The following TIAM1 variants were observed in gnomAD, a reference collection of about 807,000 sequenced individuals.
TIAM1 encodes the protein rho guanine nucleotide exchange factor TIAM1.
TIAM1 carries 65 observed loss-of-function variants against 163.5 expected under a neutral mutation model. The observed-to-expected ratio is 0.40, with a 90% CI of 0.33 to 0.49. TIAM1 has a LOEUF of 0.49. Among genes scored for constraint, TIAM1 ranks in the 20% least tolerant of loss-of-function variants. The probability of loss-of-function intolerance (pLI) is 0.77; values close to 1 mark genes in which losing one functional copy is unlikely to be tolerated. For synonymous variants in TIAM1, 833 were observed against 810.1 expected (o/e 1.03, Z -0.48); for missense variants, 1,789 against 2,044.7 (o/e 0.87, Z 2.41).
At chr21:31,318,198 A>G (rs2075193479) in intron 2 of TIAM1, among the ~76,000 whole-genome samples, 1 of 152,192 alleles carries the variant, frequency 6.6e-6, no homozygotes, top group Non-Finnish European at 1.5e-5. Flanking sequence ...CCCAGGCTCA[A>G]GTGATTCTCC....
chr21:31,179,056 G>T (rs1738898727), intron 15 of TIAM1, among the ~76,000 whole-genome samples: 1 of 151,560 alleles, frequency 6.6e-6, no homozygotes, highest in South Asian at 2.1e-4. Flanking sequence ...CAGCCTGAAG[G>T]ATTTTTGATG....
chr21:31,405,862 G>A (rs1283815506), intron 2 of TIAM1, among the ~76,000 whole-genome samples: 2 of 152,016 alleles, frequency 1.3e-5, no homozygotes, highest in African/African-American at 2.4e-5. Context: ...AACACAGATG[G>A]GAGACATTTA....
intron 3 of TIAM1, among the ~76,000 whole-genome samples, chr21:31,274,647 TGGCCA>T (rs1247751341): frequency 6.6e-6 from 1 of 152,214 alleles, no homozygotes; most frequent in Non-Finnish European, 1.5e-5. Context: ...GTGGGTCAGC[TGGCCA>T]GGGCTTGCCC....
At chr21:31,273,199 G>A (rs547308643) in intron 3 of TIAM1, among the ~76,000 whole-genome samples, 3 of 152,138 alleles carry the variant, frequency 2.0e-5, no homozygotes, top group Non-Finnish European at 2.9e-5. Context: ...GGGTGAGTAC[G>A]GCTCCAGTGA....
chr21:31,321,435 C>T lies in TIAM1; in HGVS notation c.-189+17808G>A, dbSNP rs201838769. Among the ~76,000 whole-genome samples the T allele has an allele frequency of 1.3e-4, 20 of 152,256 alleles. No individual in the cohort carries two copies. The East Asian group carries it at 3.9e-3, about 30-fold the overall frequency. On this transcript the variant is annotated intron_variant, in intron 2 of 27. Coordinates refer to ENST00000541036, the MANE Select transcript of TIAM1 (RefSeq NM_001353694.2). ...TGGCGCGATCTTGGCTCACTGCAAC[C>T]TCCGCCTCCTGGGCTCAAGCGATTC...
chr21:31,481,356 T>C (rs953972403), intron 1 of TIAM1, among the ~76,000 whole-genome samples: 1 of 152,190 alleles, frequency 6.6e-6, no homozygotes. Context: ...TGACACCAAA[T>C]GTGTGGGGTT....
At chr21:31,550,387 G>C (rs1395922852) in intron 1 of TIAM1, among the ~76,000 whole-genome samples, 1 of 152,090 alleles carries the variant, frequency 6.6e-6, no homozygotes, top group Non-Finnish European at 1.5e-5. Context: ...GGTCACAAAA[G>C]ACCACATATT....
intron 2 of TIAM1, among the ~76,000 whole-genome samples, chr21:31,428,908 G>C (rs888746185): frequency 6.6e-6 from 1 of 151,510 alleles, no homozygotes; most frequent in Admixed American, 6.6e-5. Context: ...TAAAAGTAAA[G>C]CAGATACAGT....
At chr21:31,293,606 A>G (rs1485880501) in intron 2 of TIAM1, among the ~76,000 whole-genome samples, 1 of 152,058 alleles carries the variant, frequency 6.6e-6, no homozygotes, top group African/African-American at 2.4e-5. Context: ...CTCCTGACAG[A>G]CTCTCTTCCA....
chr21:31,135,492 T>C (rs2082584633), intron 23 of TIAM1, among the ~76,000 whole-genome samples: 1 of 152,216 alleles, frequency 6.6e-6, no homozygotes, highest in South Asian at 2.1e-4. Flanking sequence ...TCCTAAATCC[T>C]GGCCTTAAGA....
chr21:31,392,986 C>T (rs1453561120), intron 2 of TIAM1, among the ~76,000 whole-genome samples: 2 of 149,134 alleles, frequency 1.3e-5, no homozygotes. Context: ...GACTGAGTCT[C>T]ACTCTGTTGC....
chr21:31,375,875 A>G (rs563571704), intron 2 of TIAM1, among the ~76,000 whole-genome samples: 1 of 152,100 alleles, frequency 6.6e-6, no homozygotes, highest in East Asian at 1.9e-4. Context: ...AAAAATACAA[A>G]AATTAGCCGG....
rs748766156 is a variant in TIAM1, at chr21:31,136,057, G to A, written c.3775-16C>T. On this transcript the variant is annotated splice_polypyrimidine_tract_variant and intron_variant, in intron 22 of 27. Coordinates refer to ENST00000541036, the MANE Select transcript of TIAM1 (RefSeq NM_001353694.2). ...GATCTGCAACCTGAAAGCCAGAGAC[G>A]TGACAAAGCTTACTGGGTGGTGTTA... 14 of 1,605,300 alleles carry A rather than the reference G, an allele frequency of 8.7e-6. No homozygotes were observed. Among genetic ancestry groups the A allele is most frequent in the Middle Eastern group, 1.6e-4 (1 of 6,068 alleles).
chr21:31,475,896 G>A (rs2045921804), intron 1 of TIAM1, among the ~76,000 whole-genome samples: 1 of 152,078 alleles, frequency 6.6e-6, no homozygotes, highest in African/African-American at 2.4e-5. Context: ...GAAAGGGTAG[G>A]GCAGGTCATT....
chr21:31,454,315 C>T (rs1424970002), intron 2 of TIAM1, among the ~76,000 whole-genome samples: 2 of 152,158 alleles, frequency 1.3e-5, no homozygotes, highest in South Asian at 2.1e-4. Flanking sequence ...TGAGATTGGT[C>T]TACATGTATT....
chr21:31,221,332 C>A (rs779868402), intron 8 of TIAM1, among the ~76,000 whole-genome samples: 1 of 152,162 alleles, frequency 6.6e-6, no homozygotes, highest in African/African-American at 2.4e-5. Context: ...GTATCACTGA[C>A]AAAGCGAGCA....
chr21:31,210,534 A>AAAAGAAAGAAAGAAAGAAAGAAAGAAAG lies in TIAM1; in HGVS notation c.2218-347_2218-320dup, dbSNP rs1214068044. ...AAGAGAGAGAGATAGGGAAGGAAGGAAAAGAAAGAAAGAAAGAAAGAAAGA... is the reference window on the plus strand; with the variant it reads ...AAGAGAGAGAGATAGGGAAGGAAGGAAAAGAAAGAAAGAAAGAAAGAAAGAAAGAAAGAAAGAAAGAAAGAAAGAAAGA... On this transcript the variant is annotated intron_variant, in intron 10 of 27. Coordinates refer to ENST00000541036, the MANE Select transcript of TIAM1 (RefSeq NM_001353694.2). Among the ~76,000 whole-genome samples the AAAAGAAAGAAAGAAAGAAAGAAAGAAAG allele has an allele frequency of 7.9e-4, 44 of 55,604 alleles. 1 individual carries two copies. The highest frequency in any genetic ancestry group is 1.6e-3 in the East Asian group (3 of 1,872). 36.5% of individuals were successfully genotyped at this position (55,604 alleles called of 152,430 possible). A position where few individuals can be genotyped will look rare whatever the true frequency, so the allele number is the denominator to read the frequency against.
intron 9 of TIAM1, among the ~76,000 whole-genome samples, chr21:31,214,876 C>T (rs1254226775): frequency 1.3e-5 from 2 of 152,078 alleles, no homozygotes; most frequent in Non-Finnish European, 2.9e-5. Context: ...ATCCTCCCAC[C>T]TTGGCCTCCT....
chr21:31,334,351 T>G (rs368339824), intron 2 of TIAM1, among the ~76,000 whole-genome samples: 348 of 151,846 alleles, frequency 2.3e-3, no homozygotes, highest in South Asian at 0.012. Context: ...ATGGCGTGGT[T>G]CTGACTCACT....
Sources: gnomAD v4.1 joint callset for allele counts (sites outside exome capture counted in the v4.1 genomes callset) on GRCh38, gnomAD v4.1.1 for gene constraint, MANE v1.5 for transcripts, NCBI Gene and HGNC (gene_info 2026-07-23, HGNC 2026-07-21) for gene names.